Variants in WDR48 observed in about 807,000 individuals in gnomAD.
The protein encoded by WDR48 is WD repeat domain 48.
In WDR48, 22 loss-of-function variants were observed where a neutral mutation model predicts 94.0. That is an observed-to-expected ratio of 0.23 (90% confidence interval 0.17 to 0.33). The LOEUF (loss-of-function observed/expected upper bound fraction) is 0.33, where lower values mean the gene tolerates loss of function less well. WDR48 is among the 10% of genes least tolerant of loss of function. The pLI, the probability that WDR48 is intolerant of heterozygous loss-of-function variation, is 1.00. For missense variants in WDR48, 541 were observed against 813.8 expected (o/e 0.66, Z 4.08); for synonymous variants, 278 against 280.5 (o/e 0.99, Z 0.09).
chr3:39,067,223 GTAT>G (rs1422922314), intron 5 of WDR48, among the ~76,000 whole-genome samples: 1 of 152,178 alleles, frequency 6.6e-6, no homozygotes, highest in Non-Finnish European at 1.5e-5. Context: ...CACTCAGCAG[GTAT>G]TATTGAAGGA....
At chr3:39,072,461 C>T (rs2033994077) in intron 7 of WDR48, among the ~76,000 whole-genome samples, 1 of 152,168 alleles carries the variant, frequency 6.6e-6, no homozygotes, top group South Asian at 2.1e-4. Context: ...CAGCTTATGT[C>T]GTCCACTTGG....
intron 15 of WDR48, 59 bp downstream of exon 15, chr3:39,088,292 G>A: frequency 2.6e-6 from 4 of 1,518,580 alleles, no homozygotes; most frequent in Non-Finnish European, 9.1e-7. Context: ...GCTAAGAAGT[G>A]TCGACTCAAA....
intron 17 of WDR48, among the ~76,000 whole-genome samples, chr3:39,092,565 A>T (rs1390597281): frequency 1.3e-5 from 2 of 152,180 alleles, no homozygotes; most frequent in Non-Finnish European, 2.9e-5. Flanking sequence ...TTGGATTTGA[A>T]TGCCAAGCCA....
At chr3:39,089,178 A>G (rs192345085) in intron 15 of WDR48, 53 bp from the exon 16 acceptor site, 2 of 1,535,120 alleles carry the variant, frequency 1.3e-6, no homozygotes, top group Non-Finnish European at 1.8e-6. Context: ...GTTGACAGTG[A>G]TTTTGACATC....
At chr3:39,091,102 G>A (rs2035053543) in intron 16 of WDR48, 1 of 152,254 alleles carries the variant, frequency 6.6e-6, no homozygotes, top group Non-Finnish European at 1.5e-5. Context: ...TAGACATCTG[G>A]GTTCTTGGCT....
intron 11 of WDR48, among the ~76,000 whole-genome samples, chr3:39,083,054 A>C (rs35935676): frequency 0.14 from 21,545 of 152,178 alleles, 1,766 homozygotes; most frequent in African/African-American, 0.22. Context: ...TTTCAAGAAG[A>C]AGCTTGCGGT....
rs2035264816 is a variant in WDR48 at position 39,094,859 on chromosome 3, A to G, written c.*116A>G. 9 of 1,266,068 alleles carry G rather than the reference A, an allele frequency of 7.1e-6. No homozygotes were observed. The South Asian group carries it at 9.8e-5, about 14-fold the overall frequency. The allele number at this position is 1,266,068 out of a possible 1,614,324, so 78.4% of individuals were successfully genotyped here. The stretch of plus-strand genomic sequence containing the variant: ...GCAAGACTTCTAACGGCTGATTGGT[A>G]TGGACCGAGATTATCTTTCAATTGA... On this transcript the variant is annotated 3_prime_UTR_variant, in exon 19 of 19. Transcript: ENST00000302313.
chr3:39,083,053 G>A (rs995363805), intron 11 of WDR48, among the ~76,000 whole-genome samples: 7 of 152,198 alleles, frequency 4.6e-5, no homozygotes, highest in Admixed American at 2.0e-4. Context: ...GTTTCAAGAA[G>A]AAGCTTGCGG....
Position 39,065,817 on chromosome 3 carries a change from C to T in WDR48, c.196C>T (p.Pro66Ser). ...ATTTTTCTTTTAATTTCAGCAAGAT[C>T]CATATATAGCATCTATGGAACACCA... ...IWSVNQHKQD[P>S]YIASMEHHTD... Residue 66 changes from proline to serine, a missense_variant, in exon 3 of 19, where the codon CCA becomes TCA. Physicochemically the swap from Pro to Ser is moderately conservative, Grantham distance 74. This residue lies in a region of WDR48 where 90 missense variants were observed against 122.3 expected (regional missense o/e 0.74). Coordinates refer to ENST00000302313, the MANE Select transcript of WDR48 (RefSeq NM_020839.4). The T allele has an allele frequency of 1.9e-6, 3 of 1,599,422 alleles. No individual in the cohort carries two copies. The South Asian group carries it at 3.4e-5, about 18-fold the overall frequency.
In WDR48 at chr3:39,085,628, G is replaced by A; in HGVS notation, c.1474+18G>A. The A allele has an allele frequency of 6.3e-7, 1 of 1,589,494 alleles. No individual in the cohort carries two copies. Among genetic ancestry groups the A allele is most frequent in the South Asian group, 1.1e-5 (1 of 87,290 alleles). On this transcript the variant is annotated intron_variant, in intron 14 of 18. Coordinates refer to ENST00000302313, the MANE Select transcript of WDR48 (RefSeq NM_020839.4). ...AAACCATGGTTAGTTTTTATATTCA[G>A]ATAGTTGCATAAAAAGTTAGAGGTA... is the stretch of plus-strand genomic sequence containing the variant.
intron 15 of WDR48, 148 bp from the exon 16 acceptor site, chr3:39,089,083 C>G (rs868156899): frequency 3.0e-6 from 2 of 661,454 alleles, no homozygotes; most frequent in Non-Finnish European, 5.0e-6. Flanking sequence ...GTGAGTCATT[C>G]TTCCAGGCTG....
At chr3:39,084,590 A>G in intron 12 of WDR48, 55 bp from the exon 13 acceptor site, 1 of 1,487,514 alleles carries the variant, frequency 6.7e-7, no homozygotes, top group Non-Finnish European at 9.3e-7. Flanking sequence ...AGGTTTAGAG[A>G]CTTGTTTGGA....
chr3:39,090,534 T>G (rs1575436866), intron 16 of WDR48: 1 of 152,226 alleles, frequency 6.6e-6, no homozygotes, highest in South Asian at 2.1e-4. Context: ...CTTCTAGTTC[T>G]TTTATGATAA....
intron 2 of WDR48, among the ~76,000 whole-genome samples, 193 bp downstream of exon 2, chr3:39,063,383 T>A (rs1011223607): frequency 1.3e-5 from 2 of 152,152 alleles, no homozygotes; most frequent in African/African-American, 2.4e-5. Context: ...TTCAGAAGTG[T>A]TTCAGCTAAG....
rs536855972 is a variant in WDR48, at chr3:39,078,119, C to G, written c.973-18C>G. 6 of 1,576,024 alleles carry G rather than the reference C, an allele frequency of 3.8e-6. No individual in the cohort carries two copies. The South Asian group carries it at 6.7e-5, about 18-fold the overall frequency. On this transcript the variant is annotated intron_variant, in intron 9 of 18. Coordinates refer to ENST00000302313, the MANE Select transcript of WDR48 (RefSeq NM_020839.4). ...TGTAGAGCATAACATGATCAAATAA[C>G]AAATTTTGTAATTTTAGACTTTGAA...
At position 39,063,069 on chromosome 3, in the gene WDR48, A is replaced by G; in HGVS notation, c.68A>G (p.Asp23Gly). The change falls in exon 2 of 19, where the codon GAT becomes GGT. Residue 23 changes from aspartate to glycine, a missense_variant. By Grantham distance (94) the Asp-to-Gly change is moderately conservative. This residue lies in a region of WDR48 where 90 missense variants were observed against 122.3 expected (regional missense o/e 0.74). Transcript: ENST00000302313. Reference protein sequence around the residue: ...RKVQVSYVIRDEVEKYNRNGV... With the variant: ...RKVQVSYVIRGEVEKYNRNGV... ...TGTCAGGTTTCCTATGTTATTCGAG[A>G]TGAAGTGGAGAAGTACAACCGAAAT... The G allele has an allele frequency of 1.2e-6, 2 of 1,614,074 alleles. No individual in the cohort carries two copies. Among genetic ancestry groups the G allele is most frequent in the East Asian group, 2.2e-5 (1 of 44,876 alleles).
chr3:39,077,876 T>C (rs971760481), intron 9 of WDR48: 2 of 340,592 alleles, frequency 5.9e-6, no homozygotes, highest in Middle Eastern at 8.1e-4. Flanking sequence ...TGCCAACTTA[T>C]GACCAATACA....
chr3:39,095,047 GT>G lies in WDR48; in HGVS notation c.*307del. The G allele has an allele frequency of 2.6e-6, 1 of 391,946 alleles. No homozygotes were observed. The highest frequency in any genetic ancestry group is 4.6e-6 in the Non-Finnish European group (1 of 217,362). The allele number at this position is 391,946 out of a possible 1,614,324, so 24.3% of individuals were successfully genotyped here. On this transcript the variant is annotated 3_prime_UTR_variant, in exon 19 of 19. Transcript: ENST00000302313. ...AGTGCAGACTTTGCTTCCTCCTTTTGTTTCAAAGGACCTTATCTACCCATTA... is the reference window on the plus strand; with the variant it reads ...AGTGCAGACTTTGCTTCCTCCTTTTGTTCAAAGGACCTTATCTACCCATTA...
intron 7 of WDR48, among the ~76,000 whole-genome samples, chr3:39,070,619 T>C (rs1344291698): frequency 1.3e-5 from 2 of 151,072 alleles, no homozygotes; most frequent in Non-Finnish European, 2.9e-5. Context: ...AGGAAGGAAA[T>C]CATTTTTCAG....
Sources: gnomAD v4.1 joint callset for allele counts (sites outside exome capture counted in the v4.1 genomes callset) on GRCh38, gnomAD v4.1.1 for gene constraint, gnomAD v4.1.1 regional missense constraint, MANE v1.5 for transcripts, NCBI Gene and HGNC (gene_info 2026-07-23, HGNC 2026-07-21) for gene names.